Variants in HUNK observed in about 807,000 individuals in gnomAD.
HUNK encodes the protein hormonally up-regulated neu tumor-associated kinase.
A neutral mutation model predicts 61.0 loss-of-function variants in HUNK; 21 were observed. That is an observed-to-expected ratio of 0.34 (90% CI 0.24 to 0.50). The LOEUF (loss-of-function observed/expected upper bound fraction) is 0.50, where lower values mean the gene tolerates loss of function less well. Ranked by LOEUF, HUNK falls within the 20% of genes least tolerant of loss-of-function variation. The pLI is 0.98. For synonymous variants in HUNK, 371 were observed against 386.1 expected, an observed-to-expected ratio of 0.96 and a Z score of 0.46; for missense variants, 772 against 945.7, an observed-to-expected ratio of 0.82 and a Z score of 2.41.
rs186454737 is a variant in HUNK at position 31,994,444 on chromosome 21, A to G, written c.1306-1324A>G. On this transcript the variant is annotated intron_variant, in intron 9 of 10. Transcript: ENST00000270112. ...AGTGTAGAGAGATATTTCCCTGAGA[A>G]GCTTCTCAACAACATGAATGAAAAA... is the stretch of plus-strand genomic sequence containing the variant. 2.7e-3 allele frequency among the ~76,000 whole-genome samples: 409 copies of G among 152,346 alleles called. 3 individuals carry two copies. Among genetic ancestry groups the G allele is most frequent in the African/African-American group, 8.2e-3 (341 of 41,588 alleles).
chr21:31,995,829 A>G lies in HUNK; in HGVS notation c.1367A>G (p.Lys456Arg). ...TTTCTTCATCGACCATTCTCCAAGAAGTTGGACAAGAACCTGCCCTCGCAC... is the reference window on the plus strand; with the variant it reads ...TTTCTTCATCGACCATTCTCCAAGAGGTTGGACAAGAACCTGCCCTCGCAC... The part of the protein sequence containing the change: ...GDFLHRPFSK[K>R]LDKNLPSHKQ... The change falls in exon 10 of 11, where the codon AAG (lysine) becomes AGG (arginine). Residue 456 changes from lysine (K) to arginine (R), a missense_variant. Physicochemically the swap from Lys to Arg is conservative, Grantham distance 26. This residue lies in a region of HUNK where 413 missense variants were observed against 444.4 expected (regional missense o/e 0.93). Transcript: ENST00000270112. 1 of 1,614,170 alleles carries G rather than the reference A, an allele frequency of 6.2e-7. No homozygotes were observed. Among genetic ancestry groups the G allele is most frequent in the South Asian group, 1.1e-5 (1 of 91,084 alleles).
chr21:31,923,125 A>T (rs1242493844), intron 1 of HUNK, among the ~76,000 whole-genome samples: 1 of 152,162 alleles, frequency 6.6e-6, no homozygotes, highest in African/African-American at 2.4e-5. Context: ...GGCTGATCAC[A>T]TTAGAGAGGG....
Position 31,913,662 on chromosome 21 carries a change from T to A in HUNK, c.262-10806T>A, listed in dbSNP as rs182594369. ...GCACGTCAGAGCTCAGGAAGAGGTG[T>A]GAGCAGGACAGGCATTGGCACTCAT... On this transcript the variant is annotated intron_variant, in intron 1 of 10. Transcript: ENST00000270112. Among the ~76,000 whole-genome samples, 127 of 151,478 alleles carry A rather than the reference T, an allele frequency of 8.4e-4. 2 individuals are homozygous for A. The highest frequency in any genetic ancestry group is 2.7e-3 in the African/African-American group (113 of 41,248).
chr21:31,927,272 C>T (rs2123818205), intron 2 of HUNK, among the ~76,000 whole-genome samples: 1 of 152,160 alleles, frequency 6.6e-6, no homozygotes, highest in East Asian at 2.0e-4. Context: ...AACTCCTGAC[C>T]TCAAATGATC....
intron 8 of HUNK, among the ~76,000 whole-genome samples, chr21:31,984,868 A>G (rs973779100): frequency 2.7e-4 from 41 of 152,222 alleles, no homozygotes; most frequent in African/African-American, 9.4e-4. Flanking sequence ...TAATGAAGAC[A>G]TACCCGAGAC....
chr21:31,955,852 C>T (rs1305011883), intron 4 of HUNK, among the ~76,000 whole-genome samples: 1 of 152,252 alleles, frequency 6.6e-6, no homozygotes, highest in Non-Finnish European at 1.5e-5. Context: ...GTAGCAGGCT[C>T]TTCAGCTTTA....
intron 4 of HUNK, among the ~76,000 whole-genome samples, chr21:31,953,676 G>A (rs2123837319): frequency 1.3e-5 from 2 of 152,268 alleles, no homozygotes; most frequent in Middle Eastern, 6.8e-3. Context: ...AGGTCTTTCT[G>A]TGGCTTAGTT....
At chr21:31,977,169 G>A (rs976460855) in intron 7 of HUNK, among the ~76,000 whole-genome samples, 9 of 151,972 alleles carry the variant, frequency 5.9e-5, no homozygotes, top group East Asian at 1.9e-4. Context: ...TGATATATTC[G>A]TACAATGTTA....
chr21:31,876,214 G>T (rs1033620388), intron 1 of HUNK, among the ~76,000 whole-genome samples: 4 of 152,188 alleles, frequency 2.6e-5, no homozygotes, highest in African/African-American at 9.7e-5. Flanking sequence ...AAGGATGGTG[G>T]TTCTTTGGGT....
At chr21:31,892,961 TC>T (rs74785721) in intron 1 of HUNK, among the ~76,000 whole-genome samples, 13,186 of 152,190 alleles carry the variant, frequency 0.087, 1,262 homozygotes, top group East Asian at 0.29. Context: ...TTCTCACTAT[TC>T]CTGGCTTCTC....
At chr21:31,981,052 A>G (rs13433405) in intron 7 of HUNK, among the ~76,000 whole-genome samples, 21,214 of 152,248 alleles carry the variant, frequency 0.14, 1,642 homozygotes, top group Non-Finnish European at 0.18. Context: ...GGTGTGAGAC[A>G]GGGTCTGATT....
At chr21:31,984,587 A>C (rs2053120375) in intron 8 of HUNK, among the ~76,000 whole-genome samples, 1 of 152,176 alleles carries the variant, frequency 6.6e-6, no homozygotes, top group South Asian at 2.1e-4. Context: ...TTTCAGAATA[A>C]AAACTAGGCT....
intron 2 of HUNK, among the ~76,000 whole-genome samples, chr21:31,938,720 G>A (rs781289910): frequency 6.6e-6 from 1 of 152,178 alleles, no homozygotes; most frequent in Non-Finnish European, 1.5e-5. Context: ...GTTTAAAAAC[G>A]GTGGAAGAGA....
intron 1 of HUNK, among the ~76,000 whole-genome samples, chr21:31,900,494 C>T (rs969443247): frequency 2.7e-5 from 4 of 145,458 alleles, no homozygotes; most frequent in Middle Eastern, 3.5e-3. Context: ...CTACTGTGCT[C>T]GTCATGATTT....
chr21:31,904,205 C>T (rs1481768495), intron 1 of HUNK, among the ~76,000 whole-genome samples: 1 of 151,994 alleles, frequency 6.6e-6, no homozygotes, highest in Non-Finnish European at 1.5e-5. Context: ...GAGATTTTGA[C>T]ATGTATTTTG....
At position 31,873,977 on chromosome 21, in the gene HUNK, G is replaced by T. The variant is rs1405246881; in HGVS notation, c.261+42G>T. On this transcript the variant is annotated intron_variant, in intron 1 of 10. Transcript: ENST00000270112. This position sits in a 1 kb window ranked among gnomAD's most constrained non-coding sequence, Gnocchi z 6.1. Reference sequence around the variant, plus strand: ...CCGTGGGGCTGGGGCACAGGGGCGGGAGTCGGCGGCCAGGACCCCGCGGGG... The same window carrying T: ...CCGTGGGGCTGGGGCACAGGGGCGGTAGTCGGCGGCCAGGACCCCGCGGGG... 8.6e-6 allele frequency: 12 copies of T among 1,400,226 alleles called. No homozygotes were observed. The highest frequency in any genetic ancestry group is 9.3e-6 in the Non-Finnish European group (10 of 1,069,632). The allele number at this position is 1,400,226 out of a possible 1,614,324, so 86.7% of individuals were successfully genotyped here. A position where few individuals can be genotyped will look rare whatever the true frequency, so the allele number is the denominator to read the frequency against.
intron 1 of HUNK, among the ~76,000 whole-genome samples, chr21:31,892,728 A>G (rs1363566375): frequency 6.6e-6 from 1 of 152,150 alleles, no homozygotes; most frequent in Non-Finnish European, 1.5e-5. Flanking sequence ...TTTATCATAG[A>G]TAACGGCATT....
intron 1 of HUNK, among the ~76,000 whole-genome samples, chr21:31,917,347 C>A (rs2052590436): frequency 6.6e-6 from 1 of 152,122 alleles, no homozygotes; most frequent in South Asian, 2.1e-4. Context: ...CACGAGCCAC[C>A]ACGCCTGGTT....
At chr21:31,984,520 TC>T (rs2053119921) in intron 8 of HUNK, among the ~76,000 whole-genome samples, 1 of 152,290 alleles carries the variant, frequency 6.6e-6, no homozygotes, top group Admixed American at 6.5e-5. Flanking sequence ...TGGCCAGCTG[TC>T]CCTGGTGACC....
Sources: allele counts gnomAD v4.1 joint callset (sites outside exome capture counted in the v4.1 genomes callset), GRCh38; gene constraint gnomAD v4.1.1; regional missense constraint gnomAD v4.1.1; non-coding constraint Gnocchi (gnomAD v3.1); transcripts MANE v1.5; gene names NCBI Gene and HGNC (gene_info 2026-07-23, HGNC 2026-07-21).